The following GRIK1 variants were observed in gnomAD, a reference collection of about 807,000 sequenced individuals.
GRIK1 encodes glutamate ionotropic receptor kainate type subunit 1.
Under a neutral mutation model 105.7 loss-of-function variants are expected in GRIK1, and 69 were observed. That is an observed-to-expected ratio of 0.65 (90% CI 0.54 to 0.80). GRIK1 has a LOEUF of 0.80. GRIK1 is among the 30% of genes least tolerant of loss of function. The pLI is 0.00. For missense variants in GRIK1, 1,109 were observed against 1,167.3 expected (o/e 0.95, Z 0.73); for synonymous variants, 438 against 431.3 (o/e 1.02, Z -0.19).
intron 15 of GRIK1, among the ~76,000 whole-genome samples, chr21:29,556,654 T>C (rs10222173): frequency 0.8 from 121,342 of 152,048 alleles, 48,514 homozygotes; most frequent in Admixed American, 0.86. Flanking sequence ...GGAACTAAGA[T>C]GATGTCTTCC....
At chr21:29,687,742 T>C (rs997968014) in intron 3 of GRIK1, among the ~76,000 whole-genome samples, 2 of 152,104 alleles carry the variant, frequency 1.3e-5, no homozygotes, top group African/African-American at 4.8e-5. Flanking sequence ...CATCAGAGAG[T>C]GGTTAGAATA....
intron 1 of GRIK1, among the ~76,000 whole-genome samples, chr21:29,894,549 G>A (rs1230116035): frequency 1.3e-5 from 2 of 152,054 alleles, no homozygotes; most frequent in African/African-American, 2.4e-5. Flanking sequence ...CCGAGGATAG[G>A]TCTGCCTTTC....
intron 7 of GRIK1, among the ~76,000 whole-genome samples, chr21:29,625,474 G>A (rs959678746): frequency 2.6e-5 from 4 of 152,088 alleles, no homozygotes; most frequent in African/African-American, 9.7e-5. Flanking sequence ...CCGCCAACCA[G>A]TTCCCAAGAG....
At chr21:29,833,677 T>C (rs1198805157) in intron 1 of GRIK1, among the ~76,000 whole-genome samples, 2 of 152,034 alleles carry the variant, frequency 1.3e-5, no homozygotes, top group African/African-American at 4.8e-5. Context: ...ACCTCCATGA[T>C]CCAATCACCT....
intron 1 of GRIK1, among the ~76,000 whole-genome samples, chr21:29,900,427 G>C (rs2070351937): frequency 7.6e-6 from 1 of 131,316 alleles, no homozygotes; most frequent in Admixed American, 8.1e-5. Context: ...GAAATAAAGG[G>C]ATGAAGGAAG....
intron 1 of GRIK1, among the ~76,000 whole-genome samples, chr21:29,810,773 T>C (rs528925020): frequency 6.6e-6 from 1 of 152,216 alleles, no homozygotes; most frequent in African/African-American, 2.4e-5. Flanking sequence ...AATTCTGCCG[T>C]GATGCCTGGT....
At chr21:29,636,304 G>A (rs1184384596) in intron 7 of GRIK1, among the ~76,000 whole-genome samples, 1 of 152,172 alleles carries the variant, frequency 6.6e-6, no homozygotes, top group Non-Finnish European at 1.5e-5. Flanking sequence ...ACATAAGGAA[G>A]CTCTAGGACT....
intron 14 of GRIK1, among the ~76,000 whole-genome samples, chr21:29,576,107 A>G (rs2090887786): frequency 6.6e-6 from 1 of 152,098 alleles, no homozygotes; most frequent in East Asian, 1.9e-4. Flanking sequence ...GGAGCAGGTA[A>G]TTTAGCTTCT....
chr21:29,616,972 C>A (rs1302222083), intron 7 of GRIK1, among the ~76,000 whole-genome samples: 1 of 152,102 alleles, frequency 6.6e-6, no homozygotes, highest in Non-Finnish European at 1.5e-5. Context: ...TTAGATCCAG[C>A]TTAGTTTCAT....
At chr21:29,806,307 G>C (rs1181060262) in intron 1 of GRIK1, among the ~76,000 whole-genome samples, 1 of 151,718 alleles carries the variant, frequency 6.6e-6, no homozygotes, top group African/African-American at 2.4e-5. Context: ...TCAAAAACCA[G>C]CGAATCAGTC....
chr21:29,670,319 G>T (rs1339401984), intron 4 of GRIK1, among the ~76,000 whole-genome samples: 1 of 152,176 alleles, frequency 6.6e-6, no homozygotes, highest in Non-Finnish European at 1.5e-5. Flanking sequence ...TGTGTCAGTG[G>T]TTGGTACAAA....
chr21:29,736,886 T>G (rs1195800543), intron 1 of GRIK1, among the ~76,000 whole-genome samples: 3 of 150,856 alleles, frequency 2.0e-5, no homozygotes, highest in African/African-American at 7.3e-5. Context: ...ACCATGTTGG[T>G]CAGGCTGGTC....
chr21:29,747,217 A>T (rs1253490411), intron 1 of GRIK1, among the ~76,000 whole-genome samples: 1 of 152,216 alleles, frequency 6.6e-6, no homozygotes, highest in African/African-American at 2.4e-5. Flanking sequence ...ACTAAGAAAG[A>T]ATATAGTCTC....
intron 7 of GRIK1, among the ~76,000 whole-genome samples, chr21:29,617,230 C>T (rs2061872375): frequency 6.6e-6 from 1 of 152,190 alleles, no homozygotes. Flanking sequence ...CGAAGAGTTG[C>T]TGCCTTTTGG....
intron 1 of GRIK1, among the ~76,000 whole-genome samples, chr21:29,787,153 A>G (rs1357368830): frequency 1.3e-5 from 2 of 152,254 alleles, no homozygotes; most frequent in African/African-American, 4.8e-5. Flanking sequence ...TTCGCTGTTC[A>G]AATGAATCCT....
intron 1 of GRIK1, among the ~76,000 whole-genome samples, chr21:29,740,760 A>G (rs1341016428): frequency 2.0e-5 from 3 of 152,208 alleles, no homozygotes; most frequent in African/African-American, 4.8e-5. Context: ...TCAACCTGCT[A>G]AAAGATTTGT....
intron 1 of GRIK1, among the ~76,000 whole-genome samples, chr21:29,886,408 T>G (rs539143321): frequency 4.6e-5 from 7 of 152,264 alleles, no homozygotes; most frequent in Admixed American, 4.6e-4. Flanking sequence ...GGGCTGACAC[T>G]GCAGTGTGTT....
chr21:29,820,099 T>C (rs987714572), intron 1 of GRIK1, among the ~76,000 whole-genome samples: 3 of 152,140 alleles, frequency 2.0e-5, no homozygotes, highest in Middle Eastern at 3.2e-3. Flanking sequence ...GCTTGCCATG[T>C]GACAGATAGA....
At chr21:29,556,382 C>G (rs2090256562) in intron 15 of GRIK1, among the ~76,000 whole-genome samples, 1 of 152,146 alleles carries the variant, frequency 6.6e-6, no homozygotes, top group Admixed American at 6.5e-5. Flanking sequence ...ACGGGATGAC[C>G]ACCTTGCAGA....
Sources: allele counts gnomAD v4.1 joint callset (sites outside exome capture counted in the v4.1 genomes callset), GRCh38; gene constraint gnomAD v4.1.1; transcripts MANE v1.5; gene names NCBI Gene and HGNC (gene_info 2026-07-23, HGNC 2026-07-21).